PRKAG2: variants seen among roughly 807,000 people sequenced by gnomAD.
The protein encoded by PRKAG2 is protein kinase AMP-activated non-catalytic subunit gamma 2.
A neutral mutation model predicts 69.6 loss-of-function variants in PRKAG2; 26 were observed. The ratio of observed to expected loss-of-function variants is 0.37; its 90% CI spans 0.27 to 0.52. The LOEUF is 0.52. Among genes scored for constraint, PRKAG2 ranks in the 20% least tolerant of loss-of-function variants. PRKAG2 has a pLI of 0.90. For missense variants in PRKAG2, 557 were observed against 740.0 expected, an observed-to-expected ratio of 0.75 and a Z score of 2.87; for synonymous variants, 293 against 285.0, an observed-to-expected ratio of 1.03 and a Z score of -0.28.
At chr7:151,816,795 CTGTTT>C (rs1048953223) in intron 1 of PRKAG2, among the ~76,000 whole-genome samples, 2 of 152,152 alleles carry the variant, frequency 1.3e-5, no homozygotes, top group Non-Finnish European at 2.9e-5. Flanking sequence ...TGAGCTGGGC[CTGTTT>C]TATTTTCTGT....
Position 151,855,050 on chromosome 7 carries a change from CCA to C in PRKAG2, c.114+21455_114+21456del, listed in dbSNP as rs1183073342. Among the ~76,000 whole-genome samples the C allele has an allele frequency of 2.9e-4, 16 of 54,266 alleles. 3 individuals carry two copies. Among genetic ancestry groups the C allele is most frequent in the Admixed American group, 1.3e-3 (7 of 5,392 alleles). The allele number at this position is 54,266 out of a possible 152,430, so 35.6% of individuals were successfully genotyped here. ...CACCATGCTCCACACACACCGCCCT[CCA>C]CACACACCATCCTCCACACACACCA... On this transcript the variant is annotated intron_variant, in intron 1 of 15. Transcript: ENST00000287878.
At chr7:151,826,767 G>A (rs543329089) in intron 1 of PRKAG2, among the ~76,000 whole-genome samples, 1 of 152,238 alleles carries the variant, frequency 6.6e-6, no homozygotes, top group South Asian at 2.1e-4. Context: ...TCCTTCCACT[G>A]ATCAAACTTG....
intron 3 of PRKAG2, among the ~76,000 whole-genome samples, chr7:151,678,409 G>A (rs919130539): frequency 2.0e-5 from 3 of 152,198 alleles, no homozygotes; most frequent in African/African-American, 4.8e-5. Context: ...CAAGGTCAGG[G>A]TGAATCTGTT....
chr7:151,792,590 T>C (rs948748571), intron 1 of PRKAG2, among the ~76,000 whole-genome samples: 1 of 152,192 alleles, frequency 6.6e-6, no homozygotes, highest in Non-Finnish European at 1.5e-5. Flanking sequence ...CTTACAGAGC[T>C]CCTTTGTTGA....
At position 151,736,160 on chromosome 7, in the gene PRKAG2, C is replaced by T. The variant is rs1390304532; in HGVS notation, c.466+44992G>A. ...GCTCAGGTGACAGCCCGGGTTCAAG[C>T]GTCCTCACCAGGGGGTCTTCAGGGC... On this transcript the variant is annotated intron_variant, in intron 3 of 15. Transcript: ENST00000287878. 4.8e-5 allele frequency: 69 copies of T among 1,443,888 alleles called. No individual in the cohort carries two copies. In the South Asian group the frequency reaches 9.0e-4, roughly 19 times the overall value. 89.4% of individuals were successfully genotyped at this position (1,443,888 alleles called of 1,614,324 possible). A position where few individuals can be genotyped will look rare whatever the true frequency, so the allele number is the denominator to read the frequency against.
rs1427553210 is a variant in PRKAG2, at chr7:151,777,315, G to C, written c.466+3837C>G. ...GCTGGGACCCGCTGAGATCCAGAGG[G>C]GCTGGGAGTCTTGGATCCACCTCTG... On this transcript the variant is annotated intron_variant, in intron 3 of 15. Coordinates refer to ENST00000287878, the MANE Select transcript of PRKAG2 (RefSeq NM_016203.4). This position sits in a 1 kb window ranked among gnomAD's most constrained non-coding sequence, Gnocchi z 4.3. 6.6e-6 allele frequency among the ~76,000 whole-genome samples: 1 copy of C among 152,210 alleles called. No individual in the cohort carries two copies. The highest frequency in any genetic ancestry group is 1.5e-5 in the Non-Finnish European group (1 of 68,036).
At chr7:151,744,909 ACC>A (rs1280990549) in intron 3 of PRKAG2, among the ~76,000 whole-genome samples, 59 of 152,192 alleles carry the variant, frequency 3.9e-4, no homozygotes, top group Non-Finnish European at 1.0e-4. Context: ...ATTCTTCTCA[ACC>A]ATGCTGTGTG....
chr7:151,825,549 A>G (rs557260119), intron 1 of PRKAG2, among the ~76,000 whole-genome samples: 1 of 152,292 alleles, frequency 6.6e-6, no homozygotes, highest in East Asian at 1.9e-4. Flanking sequence ...CTGGCACCCT[A>G]GGTGACAGGG....
At chr7:151,649,488 T>C (rs891483883) in intron 4 of PRKAG2, among the ~76,000 whole-genome samples, 6 of 152,160 alleles carry the variant, frequency 3.9e-5, no homozygotes, top group Non-Finnish European at 5.9e-5. Flanking sequence ...ACTTTTGTCA[T>C]GTTGGTTGTG....
intron 3 of PRKAG2, among the ~76,000 whole-genome samples, chr7:151,740,386 T>C (rs564819869): frequency 1.3e-5 from 2 of 152,350 alleles, no homozygotes; most frequent in African/African-American, 4.8e-5. Context: ...TCCTTCATCC[T>C]TCAGGCACAG....
At chr7:151,682,167 C>A (rs926331684) in intron 3 of PRKAG2, among the ~76,000 whole-genome samples, 7 of 152,140 alleles carry the variant, frequency 4.6e-5, no homozygotes, top group African/African-American at 1.7e-4. Context: ...AAGAATGATT[C>A]CTAAGCTTTT....
At chr7:151,601,089 T>C (rs1257769307) in intron 5 of PRKAG2, among the ~76,000 whole-genome samples, 1 of 152,126 alleles carries the variant, frequency 6.6e-6, no homozygotes, top group East Asian at 1.9e-4. Flanking sequence ...TGAGCGCACC[T>C]GGGGAGGACC....
chr7:151,569,425 G>A (rs1020267402), intron 10 of PRKAG2, among the ~76,000 whole-genome samples: 7 of 152,198 alleles, frequency 4.6e-5, no homozygotes, highest in South Asian at 4.1e-4. Flanking sequence ...CAGATACATC[G>A]TATTGGCAAG....
At chr7:151,790,859 G>T (rs963351406) in intron 1 of PRKAG2, among the ~76,000 whole-genome samples, 4 of 152,220 alleles carry the variant, frequency 2.6e-5, no homozygotes, top group Admixed American at 6.5e-5. Context: ...AACTGAGGCC[G>T]AGGAGGTTCA....
intron 1 of PRKAG2, among the ~76,000 whole-genome samples, chr7:151,833,176 C>G (rs1171419248): frequency 6.6e-6 from 1 of 152,156 alleles, no homozygotes; most frequent in African/African-American, 2.4e-5. Context: ...ACAGAGAGCG[C>G]GTGAGTCTTT....
chr7:151,687,009 A>C (rs1476383628), intron 3 of PRKAG2, among the ~76,000 whole-genome samples: 1 of 152,204 alleles, frequency 6.6e-6, no homozygotes, highest in Non-Finnish European at 1.5e-5. Context: ...CCAGTCTTAT[A>C]GGGCTTTGTA....
chr7:151,581,878 C>T (rs1193643563), intron 6 of PRKAG2, among the ~76,000 whole-genome samples: 2 of 152,218 alleles, frequency 1.3e-5, no homozygotes, highest in African/African-American at 2.4e-5. Context: ...CAAAAGCGTT[C>T]AGCCCCCAAA....
intron 1 of PRKAG2, among the ~76,000 whole-genome samples, chr7:151,803,677 G>C (rs115031629): frequency 0.019 from 2,798 of 151,026 alleles, 88 homozygotes; most frequent in African/African-American, 0.065. Flanking sequence ...TAGATTGTGA[G>C]GACTCTGAGA....
chr7:151,776,382 G>C (rs1186784802), intron 3 of PRKAG2, among the ~76,000 whole-genome samples: 1 of 151,526 alleles, frequency 6.6e-6, no homozygotes, highest in Non-Finnish European at 1.5e-5. Flanking sequence ...CATAGTACCT[G>C]ACAAGCCAGA....
Sources: gnomAD v4.1 joint callset for allele counts (sites outside exome capture counted in the v4.1 genomes callset) on GRCh38, gnomAD v4.1.1 for gene constraint, Gnocchi (gnomAD v3.1) non-coding constraint, MANE v1.5 for transcripts, NCBI Gene and HGNC (gene_info 2026-07-23, HGNC 2026-07-21) for gene names.